The following NDUFAF5 variants were observed in gnomAD, a reference collection of about 807,000 sequenced individuals.
NDUFAF5 encodes the protein NADH:ubiquinone oxidoreductase complex assembly factor 5.
NDUFAF5 carries 34 observed loss-of-function variants against 48.9 expected under a neutral mutation model. The observed-to-expected ratio is 0.70, with a 90% confidence interval of 0.53 to 0.93. The LOEUF (loss-of-function observed/expected upper bound fraction) is 0.93. NDUFAF5 is among the 40% of genes least tolerant of loss of function. NDUFAF5 has a pLI of 0.00. For missense variants in NDUFAF5, 428 were observed against 427.5 expected, an observed-to-expected ratio of 1.00 and a Z score of -0.01; for synonymous variants, 153 against 150.6, an observed-to-expected ratio of 1.02 and a Z score of -0.12.
intron 8 of NDUFAF5, 47 bp downstream of exon 8, chr20:13,808,949 C>CA (rs765610322): frequency 3.2e-4 from 411 of 1,286,196 alleles, no homozygotes; most frequent in Non-Finnish European, 3.8e-4. Flanking sequence ...AAAGGTAGGC[C>CA]AAAAAAAAAG....
chr20:13,785,328 C>T lies in NDUFAF5; in HGVS notation c.222+38C>T, dbSNP rs761069911. On this transcript the variant is annotated intron_variant, in intron 1 of 10. Transcript: ENST00000378106. Reference sequence around the variant, plus strand: ...GGCGGCGGGGCGGCGGGGCGGGCGACGCGGAGGCTTGTTTTCCTCTCCGCT... The same window carrying T: ...GGCGGCGGGGCGGCGGGGCGGGCGATGCGGAGGCTTGTTTTCCTCTCCGCT... 6.2e-6 allele frequency: 8 copies of T among 1,295,030 alleles called. No individual in the cohort carries two copies. The East Asian group carries it at 9.7e-5, about 16-fold the overall frequency. 80.2% of individuals were successfully genotyped at this position (1,295,030 alleles called of 1,614,324 possible).
chr20:13,790,528 C>T lies in NDUFAF5; in HGVS notation c.327+1876C>T, dbSNP rs376675450. Among the ~76,000 whole-genome samples the T allele has an allele frequency of 6.6e-5, 10 of 152,320 alleles. No individual in the cohort carries two copies. The East Asian group carries it at 1.5e-3, about 23-fold the overall frequency. On this transcript the variant is annotated intron_variant, in intron 3 of 10. Coordinates refer to ENST00000378106, the MANE Select transcript of NDUFAF5 (RefSeq NM_024120.5). ...TTGCAGTAGCCTCCTATTGGTCTCC[C>T]TGCTTTACCTTTGTCCCTGACAGTC...
chr20:13,796,895 C>T (rs1468683301), intron 5 of NDUFAF5, among the ~76,000 whole-genome samples: 1 of 152,214 alleles, frequency 6.6e-6, no homozygotes, highest in Non-Finnish European at 1.5e-5. Context: ...ATGAGAATTA[C>T]TTGAACCTGG....
intron 5 of NDUFAF5, 117 bp downstream of exon 5, chr20:13,795,058 C>T (rs746874386): frequency 3.6e-5 from 26 of 714,370 alleles, no homozygotes; most frequent in South Asian, 2.3e-4. Context: ...TTTGGGAGGC[C>T]GAGGCGAGTG....
At chr20:13,801,901 C>A in intron 7 of NDUFAF5, 1 of 482,678 alleles carries the variant, frequency 2.1e-6, no homozygotes, top group Non-Finnish European at 3.7e-6. Flanking sequence ...TTTACTGTTA[C>A]CTTAAAAAGT....
At position 13,801,325 on chromosome 20, in the gene NDUFAF5, CAGTT is replaced by C. The variant is rs151304952; in HGVS notation, c.520-160_520-157del. Among the ~76,000 whole-genome samples, 2,450 of 152,072 alleles carry C rather than the reference CAGTT, an allele frequency of 0.016. 94 individuals are homozygous for C. Among genetic ancestry groups the C allele is most frequent in the East Asian group, 0.11 (545 of 5,176 alleles). On this transcript the variant is annotated intron_variant, in intron 6 of 10. Transcript: ENST00000378106. ...TATATTATGCATCATGATTTTCTGA[CAGTT>C]GGTTGCATTAGATGTTATTTGTTAA...
chr20:13,816,900 A>G lies in NDUFAF5; in HGVS notation c.888A>G (p.Ser296=), dbSNP rs1306544999. 4 of 1,609,202 alleles carry G rather than the reference A, an allele frequency of 2.5e-6. No individual in the cohort carries two copies. Among genetic ancestry groups the G allele is most frequent in the Non-Finnish European group, 3.4e-6 (4 of 1,175,666 alleles). The part of the protein sequence containing the change: ...YREMYRNEDG[S]VPATYQIYYM... Reference sequence around the variant, plus strand: ...AAATGTACAGAAATGAAGATGGTTCAGTACCTGCTACATACCAGATCTATT... The same window carrying G: ...AAATGTACAGAAATGAAGATGGTTCGGTACCTGCTACATACCAGATCTATT... The change falls in exon 10 of 11, where the codon TCA becomes TCG. Residue 296 remains serine, a synonymous_variant. Transcript: ENST00000378106.
chr20:13,806,160 CT>C (rs1371827464), intron 7 of NDUFAF5, among the ~76,000 whole-genome samples: 21 of 152,256 alleles, frequency 1.4e-4, no homozygotes, highest in African/African-American at 4.8e-4. Flanking sequence ...AATGAGCATT[CT>C]AAGTAAAGCT....
At chr20:13,802,594 C>T (rs1316655382) in intron 7 of NDUFAF5, among the ~76,000 whole-genome samples, 24 of 141,460 alleles carry the variant, frequency 1.7e-4, no homozygotes, top group East Asian at 2.2e-4. Flanking sequence ...TGCTTGAACC[C>T]GGGAGGCGGA....
At chr20:13,795,626 CTGG>C (rs1039211897) in intron 5 of NDUFAF5, among the ~76,000 whole-genome samples, 1 of 152,120 alleles carries the variant, frequency 6.6e-6, no homozygotes, top group African/African-American at 2.4e-5. Context: ...CGAGACCAGC[CTGG>C]GCAACATAAT....
At chr20:13,800,301 G>A (rs1260300211) in intron 6 of NDUFAF5, among the ~76,000 whole-genome samples, 1 of 152,140 alleles carries the variant, frequency 6.6e-6, no homozygotes, top group African/African-American at 2.4e-5. Context: ...GGTGAAGAAG[G>A]GAAGGAACCA....
chr20:13,788,505 G>C lies in NDUFAF5; in HGVS notation c.264-84G>C, dbSNP rs74530099. ...AACCTTCTGGAAGTTGTGTTTACTG[G>C]AATGATTTTACCTAAGAAAAAATAA... On this transcript the variant is annotated intron_variant, in intron 2 of 10. Coordinates refer to ENST00000378106, the MANE Select transcript of NDUFAF5 (RefSeq NM_024120.5). 2.2e-4 allele frequency: 239 copies of C among 1,063,802 alleles called. 1 individual carries two copies. The East Asian group carries it at 5.7e-3, about 26-fold the overall frequency. The allele number at this position is 1,063,802 out of a possible 1,614,324, so 65.9% of individuals were successfully genotyped here.
chr20:13,789,366 T>C (rs147699096), intron 3 of NDUFAF5, among the ~76,000 whole-genome samples: 1,826 of 152,246 alleles, frequency 0.012, 43 homozygotes, highest in African/African-American at 0.042. Context: ...GGTTTCACCA[T>C]GTTGGCAAGG....
rs199543540 is a variant in NDUFAF5, at chr20:13,801,633, A to T, written c.667A>T (p.Asn223Tyr). ...ACACATTTCTCCTTTCACTGCTGTC[A>T]ATGACCTGGGACATCTGCTTGGGAG... ...SPHISPFTAV[N>Y]DLGHLLGRAG... Residue 223 changes from asparagine to tyrosine, a missense_variant, in exon 7 of 11, where the codon AAT becomes TAT. Transcript: ENST00000378106. 9 of 1,614,092 alleles carry T rather than the reference A, an allele frequency of 5.6e-6. No homozygotes were observed. The highest frequency in any genetic ancestry group is 7.6e-6 in the Non-Finnish European group (9 of 1,180,026).
chr20:13,789,338 T>C (rs764955057), intron 3 of NDUFAF5, among the ~76,000 whole-genome samples: 1 of 151,978 alleles, frequency 6.6e-6, no homozygotes, highest in Non-Finnish European at 1.5e-5. Flanking sequence ...CTAATTTTTG[T>C]ATTTTTGGTA....
chr20:13,808,242 G>A (rs1985360557), intron 7 of NDUFAF5, among the ~76,000 whole-genome samples: 1 of 152,134 alleles, frequency 6.6e-6, no homozygotes, highest in African/African-American at 2.4e-5. Context: ...AGGAGCACCT[G>A]GATATTTGGG....
rs34100951 is a variant in NDUFAF5, at chr20:13,818,838, G to T, written c.*1628G>T. 11,041 of 152,720 alleles carry T rather than the reference G, an allele frequency of 0.072. 436 individuals carry two copies. The highest frequency in any genetic ancestry group is 0.087 in the Non-Finnish European group (5,959 of 68,378). The allele number at this position is 152,720 out of a possible 1,614,324, so 9.5% of individuals were successfully genotyped here. On this transcript the variant is annotated 3_prime_UTR_variant, in exon 11 of 11. Transcript: ENST00000378106. ...GAACTGGGTGTGTCTGTGTCATTCT[G>T]TTTGAATGTCTGTCAGGGGTATAGA...
At chr20:13,795,727 G>A (rs1012750950) in intron 5 of NDUFAF5, among the ~76,000 whole-genome samples, 2 of 152,202 alleles carry the variant, frequency 1.3e-5, no homozygotes, top group African/African-American at 2.4e-5. Context: ...GCTGAGGCAG[G>A]AGGATCACTT....
chr20:13,804,488 CTT>C (rs375461108), intron 7 of NDUFAF5, among the ~76,000 whole-genome samples: 16 of 151,512 alleles, frequency 1.1e-4, no homozygotes, highest in Non-Finnish European at 1.9e-4. Context: ...ATTTCTGAAA[CTT>C]TTTTTATTAA....
Sources: allele counts gnomAD v4.1 joint callset (sites outside exome capture counted in the v4.1 genomes callset), GRCh38; gene constraint gnomAD v4.1.1; transcripts MANE v1.5; gene names NCBI Gene and HGNC (gene_info 2026-07-23, HGNC 2026-07-21).